GALNT17: variants seen among roughly 807,000 people sequenced by gnomAD.
The protein encoded by GALNT17 is UDP-GalNAc:polypeptide N-acetylgalactosaminyltransferase-like 3.
In GALNT17, 29 loss-of-function variants were observed where a neutral mutation model predicts 63.7. That is an observed-to-expected ratio of 0.46 (90% CI 0.34 to 0.62). The LOEUF (loss-of-function observed/expected upper bound fraction) is 0.62. GALNT17 is among the 20% of genes least tolerant of loss of function. GALNT17 has a pLI of 0.01. For synonymous variants in GALNT17, 305 were observed against 318.3 expected (o/e 0.96, Z 0.45); for missense variants, 603 against 799.6 (o/e 0.75, Z 2.97).
At chr7:71,271,601 T>A (rs998854775) in intron 1 of GALNT17, among the ~76,000 whole-genome samples, 1 of 152,264 alleles carries the variant, frequency 6.6e-6, no homozygotes, top group Non-Finnish European at 1.5e-5. Flanking sequence ...TTACAGGCGA[T>A]AACATTCACC....
chr7:71,586,665 C>G (rs1224761715), intron 6 of GALNT17, among the ~76,000 whole-genome samples: 1 of 146,188 alleles, frequency 6.8e-6, no homozygotes, highest in African/African-American at 2.6e-5. Flanking sequence ...ATCTATTTTA[C>G]CAAACCTAGT....
chr7:71,472,383 A>G (rs545744255), intron 5 of GALNT17, among the ~76,000 whole-genome samples: 1 of 152,214 alleles, frequency 6.6e-6, no homozygotes, highest in Non-Finnish European at 1.5e-5. Context: ...AAGCTAGCTT[A>G]ATGAGACATT....
At chr7:71,233,852 CA>C (rs1789838174) in intron 1 of GALNT17, among the ~76,000 whole-genome samples, 1 of 152,138 alleles carries the variant, frequency 6.6e-6, no homozygotes, top group Non-Finnish European at 1.5e-5. Flanking sequence ...ACAGGTTGTA[CA>C]GGAAGCATGA....
intron 1 of GALNT17, among the ~76,000 whole-genome samples, chr7:71,176,577 A>G (rs562214162): frequency 1.3e-5 from 2 of 152,282 alleles, no homozygotes; most frequent in South Asian, 4.2e-4. Context: ...GAAATACTGC[A>G]TCAGGATGGG....
intron 4 of GALNT17, 95 bp from the exon 5 acceptor site, chr7:71,420,813 C>T: frequency 6.8e-7 from 1 of 1,462,506 alleles, no homozygotes; most frequent in Non-Finnish European, 9.5e-7. Flanking sequence ...AAAGCCCAGC[C>T]TTAAGTAGCT....
intron 1 of GALNT17, among the ~76,000 whole-genome samples, chr7:71,250,247 CT>C (rs1790172215): frequency 6.6e-6 from 1 of 151,780 alleles, no homozygotes. Context: ...ATGCCATAGG[CT>C]CTTGAGGGAT....
chr7:71,496,626 G>T lies in GALNT17; in HGVS notation c.963-74659G>T, dbSNP rs368779693. Among the ~76,000 whole-genome samples the T allele has an allele frequency of 6.6e-5, 10 of 152,250 alleles. No homozygotes were observed. In the East Asian group the frequency reaches 1.9e-3, roughly 30 times the overall value. The stretch of plus-strand genomic sequence containing the variant: ...AGAGACCATGAGGGAGGGTGAGGAG[G>T]AAGGCACTACAGAAACAGACAGCAC... On this transcript the variant is annotated intron_variant, in intron 5 of 10. Coordinates refer to ENST00000333538, the MANE Select transcript of GALNT17 (RefSeq NM_022479.3).
At chr7:71,604,552 T>G (rs1394129804) in intron 6 of GALNT17, among the ~76,000 whole-genome samples, 3 of 152,226 alleles carry the variant, frequency 2.0e-5, no homozygotes, top group Non-Finnish European at 4.4e-5. Flanking sequence ...AGCTGAGTCA[T>G]GGTGCTTGCA....
intron 5 of GALNT17, among the ~76,000 whole-genome samples, chr7:71,509,386 C>A (rs1273080181): frequency 2.0e-5 from 3 of 152,204 alleles, no homozygotes; most frequent in Non-Finnish European, 4.4e-5. Context: ...GGGGATGTAA[C>A]CCCAAGCATA....
chr7:71,571,631 C>T (rs2116878330), intron 6 of GALNT17, among the ~76,000 whole-genome samples: 1 of 152,262 alleles, frequency 6.6e-6, no homozygotes, highest in South Asian at 2.1e-4. Context: ...GCCATTGCTA[C>T]CCACTCTGGG....
intron 1 of GALNT17, among the ~76,000 whole-genome samples, chr7:71,190,876 C>T (rs112821755): frequency 0.017 from 2,649 of 152,166 alleles, 73 homozygotes; most frequent in African/African-American, 0.059. Context: ...AATGATCTGC[C>T]TGCCCCAGCC....
At chr7:71,302,174 G>T (rs1357703267) in intron 1 of GALNT17, among the ~76,000 whole-genome samples, 1 of 152,044 alleles carries the variant, frequency 6.6e-6, no homozygotes, top group African/African-American at 2.4e-5. Flanking sequence ...AGGGAGGGGA[G>T]CAACACACAC....
At chr7:71,636,191 T>G (rs1485732142) in intron 6 of GALNT17, among the ~76,000 whole-genome samples, 1 of 152,248 alleles carries the variant, frequency 6.6e-6, no homozygotes, top group Non-Finnish European at 1.5e-5. Flanking sequence ...AAGTTCTTTC[T>G]TCTAGCTATT....
At chr7:71,212,633 C>G (rs531163657) in intron 1 of GALNT17, among the ~76,000 whole-genome samples, 5 of 152,226 alleles carry the variant, frequency 3.3e-5, no homozygotes, top group African/African-American at 1.2e-4. Context: ...GGGGGCTATA[C>G]CCTACAAAGC....
At chr7:71,397,941 TTTGTTGTTGTTGTTGTTG>T (rs111851668) in intron 3 of GALNT17, among the ~76,000 whole-genome samples, 4 of 150,686 alleles carry the variant, frequency 2.7e-5, no homozygotes, top group Non-Finnish European at 5.9e-5. Context: ...CATTATTGTC[TTTGTTGTTGTTGTTGTTG>T]TTGTTGTTGT....
chr7:71,378,446 T>G lies in GALNT17; in HGVS notation c.423-9789T>G, dbSNP rs188108810. On this transcript the variant is annotated intron_variant, in intron 2 of 10. Transcript: ENST00000333538. Reference sequence around the variant, plus strand: ...GGGAAAATTGGGCTGGTTAATGCACTTGACCCAAGCAGCTTTCAGAGTTTG... The same window carrying G: ...GGGAAAATTGGGCTGGTTAATGCACGTGACCCAAGCAGCTTTCAGAGTTTG... 2.5e-3 allele frequency among the ~76,000 whole-genome samples: 376 copies of G among 152,252 alleles called. 8 individuals are homozygous for G. The highest frequency in any genetic ancestry group is 1.4e-3 in the Non-Finnish European group (96 of 68,024).
chr7:71,152,738 T>A (rs1038205250), intron 1 of GALNT17, among the ~76,000 whole-genome samples: 1 of 152,196 alleles, frequency 6.6e-6, no homozygotes, highest in Non-Finnish European at 1.5e-5. Flanking sequence ...GTTCAAGTGA[T>A]TCTCCTGCCT....
intron 1 of GALNT17, among the ~76,000 whole-genome samples, chr7:71,199,083 G>A (rs745628680): frequency 2.0e-5 from 3 of 152,088 alleles, no homozygotes; most frequent in African/African-American, 4.8e-5. Context: ...GAGCATAACC[G>A]GGCCGTGGCT....
chr7:71,524,792 G>A (rs1173349276), intron 5 of GALNT17, among the ~76,000 whole-genome samples: 1 of 152,098 alleles, frequency 6.6e-6, no homozygotes, highest in East Asian at 1.9e-4. Flanking sequence ...TAACCTTTCT[G>A]TGTCATTTTG....
Sources: allele counts gnomAD v4.1 joint callset (sites outside exome capture counted in the v4.1 genomes callset), GRCh38; gene constraint gnomAD v4.1.1; transcripts MANE v1.5; gene names NCBI Gene and HGNC (gene_info 2026-07-23, HGNC 2026-07-21).